Variants in MAP3K14 observed in about 807,000 individuals in gnomAD.
MAP3K14 encodes the protein mitogen-activated protein kinase kinase kinase 14.
In MAP3K14, 16 loss-of-function variants were observed where a neutral mutation model predicts 99.2. The ratio of observed to expected loss-of-function variants is 0.16; its 90% CI spans 0.11 to 0.24. MAP3K14 has a LOEUF of 0.24. Among genes scored for constraint, MAP3K14 ranks in the 10% least tolerant of loss-of-function variants. The pLI is 1.00. For missense variants in MAP3K14, 784 were observed against 1,208.7 expected, an observed-to-expected ratio of 0.65 and a Z score of 5.21; for synonymous variants, 462 against 492.4, an observed-to-expected ratio of 0.94 and a Z score of 0.82.
chr17:45,285,512 G>C (rs765158541), intron 5 of MAP3K14, among the ~76,000 whole-genome samples: 1 of 152,124 alleles, frequency 6.6e-6, no homozygotes, highest in South Asian at 2.1e-4. Context: ...TGTAGTCTCA[G>C]CTACTCGGGA....
intron 15 of MAP3K14, 89 bp downstream of exon 15, chr17:45,265,074 A>T (rs1162558436): frequency 2.7e-6 from 3 of 1,107,366 alleles, no homozygotes; most frequent in Non-Finnish European, 4.1e-6. Context: ...GTGCCATTCT[A>T]CTTCTTTGAA....
intron 2 of MAP3K14, among the ~76,000 whole-genome samples, chr17:45,289,965 T>C (rs1322065243): frequency 6.6e-6 from 1 of 152,298 alleles, no homozygotes; most frequent in East Asian, 1.9e-4. Context: ...CTAGTCATCA[T>C]AAGGTATCAT....
At chr17:45,314,609 C>A (rs1307336196) in intron 1 of MAP3K14, among the ~76,000 whole-genome samples, 1 of 151,598 alleles carries the variant, frequency 6.6e-6, no homozygotes, top group African/African-American at 2.4e-5. Flanking sequence ...GCATTTTAAC[C>A]TTTTGCCAGG....
At chr17:45,309,361 C>A (rs147350026) in intron 1 of MAP3K14, among the ~76,000 whole-genome samples, 1 of 152,330 alleles carries the variant, frequency 6.6e-6, no homozygotes, top group East Asian at 1.9e-4. Context: ...CGCATGGTGG[C>A]CTCCTCGCTC....
chr17:45,309,862 A>G (rs2044459260), intron 1 of MAP3K14, among the ~76,000 whole-genome samples: 1 of 152,132 alleles, frequency 6.6e-6, no homozygotes, highest in Non-Finnish European at 1.5e-5. Context: ...ATTTGCAAGT[A>G]TCTAATACAT....
rs200271934 is a variant in MAP3K14, at chr17:45,302,261, T to C, written c.-20-11496A>G. ...ATCCCCGTTAACAGTTTCTTGTATC[T>C]CCCTCTACTGATTTTCTCTGTAGGT... is the stretch of plus-strand genomic sequence containing the variant. On this transcript the variant is annotated intron_variant, in intron 1 of 15. Coordinates refer to ENST00000344686, the MANE Select transcript of MAP3K14 (RefSeq NM_003954.5). Among the ~76,000 whole-genome samples the C allele has an allele frequency of 5.9e-5, 9 of 152,306 alleles. No homozygotes were observed. In the East Asian group the frequency reaches 1.5e-3, roughly 26 times the overall value.
At chr17:45,314,287 G>A (rs1407979344) in intron 1 of MAP3K14, among the ~76,000 whole-genome samples, 1 of 152,132 alleles carries the variant, frequency 6.6e-6, no homozygotes, top group Non-Finnish European at 1.5e-5. Flanking sequence ...CAGCATCACC[G>A]AGTAAATGCA....
At chr17:45,265,748 A>AT (rs762152972) in intron 14 of MAP3K14, among the ~76,000 whole-genome samples, 11 of 152,164 alleles carry the variant, frequency 7.2e-5, no homozygotes, top group East Asian at 3.9e-4. Flanking sequence ...ACAAAGCTGC[A>AT]TTTTTATAAG....
intron 5 of MAP3K14, among the ~76,000 whole-genome samples, chr17:45,285,296 C>G (rs2044254618): frequency 6.6e-6 from 1 of 151,946 alleles, no homozygotes; most frequent in African/African-American, 2.4e-5. Context: ...AAGGGAGGAA[C>G]AGTGAAGAGG....
At chr17:45,279,863 TA>T (rs1289812882) in intron 6 of MAP3K14, among the ~76,000 whole-genome samples, 1 of 152,228 alleles carries the variant, frequency 6.6e-6, no homozygotes, top group Non-Finnish European at 1.5e-5. Flanking sequence ...GTCCAATGAA[TA>T]TTAGAGGGTC....
chr17:45,287,053 G>T lies in MAP3K14; in HGVS notation c.538-8C>A, dbSNP rs528700145. The stretch of plus-strand genomic sequence containing the variant: ...GAGTGGAGACTCATCCTCCTGCGGG[G>T]GGAAACACAGCTATCAGCACAGAGG... On this transcript the variant is annotated splice_polypyrimidine_tract_variant and splice_region_variant and intron_variant, in intron 4 of 15. Coordinates refer to ENST00000344686, the MANE Select transcript of MAP3K14 (RefSeq NM_003954.5). The T allele has an allele frequency of 6.2e-7, 1 of 1,609,296 alleles. No homozygotes were observed.
In MAP3K14 at chr17:45,264,248, CGAGGGGCT is replaced by C. The variant is rs1402824700; in HGVS notation, c.*380_*387del. 5.6e-6 allele frequency: 1 copy of C among 177,574 alleles called. No individual in the cohort carries two copies. Among genetic ancestry groups the C allele is most frequent in the Non-Finnish European group, 1.2e-5 (1 of 84,500 alleles). The allele number at this position is 177,574 out of a possible 1,614,324, so 11.0% of individuals were successfully genotyped here. ...CACAGCAGCCTGGAGGGTGAGGGGC[CGAGGGGCT>C]CGCCCACCCCTTCTGACCCAGGCTG... is the stretch of plus-strand genomic sequence containing the variant. On this transcript the variant is annotated 3_prime_UTR_variant, in exon 16 of 16. Coordinates refer to ENST00000344686, the MANE Select transcript of MAP3K14 (RefSeq NM_003954.5).
In MAP3K14 at chr17:45,285,050, G is replaced by A. The variant is rs546325819; in HGVS notation, c.1153-101C>T. 1.1e-5 allele frequency: 14 copies of A among 1,328,452 alleles called. No individual in the cohort carries two copies. In the East Asian group the frequency reaches 2.8e-4, roughly 27 times the overall value. 82.3% of individuals were successfully genotyped at this position (1,328,452 alleles called of 1,614,324 possible). A position where few individuals can be genotyped will look rare whatever the true frequency, so the allele number is the denominator to read the frequency against. On this transcript the variant is annotated intron_variant, in intron 5 of 15. Coordinates refer to ENST00000344686, the MANE Select transcript of MAP3K14 (RefSeq NM_003954.5). ...CTCTCCAGCTGGTGACCTTGCCAGGGCTGCTGAGCTGAGCCCTCACAACCA... is the reference window on the plus strand; with the variant it reads ...CTCTCCAGCTGGTGACCTTGCCAGGACTGCTGAGCTGAGCCCTCACAACCA...
intron 1 of MAP3K14, among the ~76,000 whole-genome samples, chr17:45,301,951 G>A (rs1410341154): frequency 6.6e-6 from 1 of 150,830 alleles, no homozygotes; most frequent in Non-Finnish European, 1.5e-5. Context: ...TCCCATTTCA[G>A]TCTCCCAAGT....
intron 2 of MAP3K14, 49 bp from the exon 3 acceptor site, chr17:45,289,354 T>A: frequency 6.8e-7 from 1 of 1,478,836 alleles, no homozygotes; most frequent in Non-Finnish European, 9.5e-7. Flanking sequence ...AATAGGAATT[T>A]AGCACTTAGG....
intron 1 of MAP3K14, among the ~76,000 whole-genome samples, chr17:45,310,348 T>C (rs1012395707): frequency 5.3e-5 from 8 of 152,184 alleles, no homozygotes; most frequent in Admixed American, 1.3e-4. Flanking sequence ...TTTATAATCT[T>C]AACTGGCAAC....
chr17:45,278,780 A>G (rs941938290), intron 6 of MAP3K14, among the ~76,000 whole-genome samples: 14 of 151,630 alleles, frequency 9.2e-5, no homozygotes, highest in Middle Eastern at 3.2e-3. Context: ...CCCGGGCTCA[A>G]GCGATCCTCC....
intron 14 of MAP3K14, chr17:45,266,291 G>A (rs1415095013): frequency 4.6e-6 from 2 of 430,178 alleles, no homozygotes; most frequent in South Asian, 6.3e-5. Context: ...GGAACCTTCT[G>A]GGACTCCATC....
At chr17:45,295,049 T>G (rs555875948) in intron 1 of MAP3K14, among the ~76,000 whole-genome samples, 1 of 152,306 alleles carries the variant, frequency 6.6e-6, no homozygotes, top group South Asian at 2.1e-4. Flanking sequence ...GGGTTTACAG[T>G]AAACAAATTT....
Sources: allele counts gnomAD v4.1 joint callset (sites outside exome capture counted in the v4.1 genomes callset), GRCh38; gene constraint gnomAD v4.1.1; transcripts MANE v1.5; gene names NCBI Gene and HGNC (gene_info 2026-07-23, HGNC 2026-07-21).